The following ADAMTS17 variants were observed in gnomAD, a reference collection of about 807,000 sequenced individuals.
The protein encoded by ADAMTS17 is A disintegrin and metalloproteinase with thrombospondin motifs 17.
ADAMTS17 carries 113 observed loss-of-function variants against 141.5 expected under a neutral mutation model. The ratio of observed to expected loss-of-function variants is 0.80; its 90% CI spans 0.69 to 0.93. The LOEUF (loss-of-function observed/expected upper bound fraction) is 0.93. Ranked by LOEUF, ADAMTS17 falls within the 40% of genes least tolerant of loss-of-function variation. ADAMTS17 has a pLI of 0.00. For missense variants in ADAMTS17, 1,659 were observed against 1,517.9 expected (o/e 1.09, Z -1.54); for synonymous variants, 768 against 630.6 (o/e 1.22, Z -3.27).
chr15:100,262,219 C>T, intron 5 of ADAMTS17, 133 bp downstream of exon 5: 1 of 802,016 alleles, frequency 1.2e-6, no homozygotes, highest in Non-Finnish European at 2.1e-6. Context: ...GCTTTCCTCT[C>T]ACGCTGGCAA....
At chr15:100,178,802 A>C (rs1334159350) in intron 8 of ADAMTS17, among the ~76,000 whole-genome samples, 1 of 152,062 alleles carries the variant, frequency 6.6e-6, no homozygotes, top group Non-Finnish European at 1.5e-5. Flanking sequence ...TTCCTGAAGG[A>C]TAGTTTTATT....
chr15:100,123,513 T>C (rs1489326197), intron 12 of ADAMTS17, among the ~76,000 whole-genome samples: 1 of 152,108 alleles, frequency 6.6e-6, no homozygotes, highest in Non-Finnish European at 1.5e-5. Flanking sequence ...AGCCAACAAG[T>C]TGCAATCTCA....
At chr15:100,100,293 G>A (rs953502323) in intron 14 of ADAMTS17, among the ~76,000 whole-genome samples, 1 of 152,124 alleles carries the variant, frequency 6.6e-6, no homozygotes, top group Non-Finnish European at 1.5e-5. Context: ...AAAGTGGGTA[G>A]CTCCCCCGGG....
At chr15:100,269,547 T>A (rs4965302) in intron 4 of ADAMTS17, among the ~76,000 whole-genome samples, 9 of 151,974 alleles carry the variant, frequency 5.9e-5, no homozygotes, top group East Asian at 3.8e-4. Flanking sequence ...GGCAAGGACC[T>A]TCTTCCCACC....
Position 99,974,216 on chromosome 15 carries a change from C to A in ADAMTS17, c.*186G>T. On this transcript the variant is annotated 3_prime_UTR_variant, in exon 22 of 22. Transcript: ENST00000268070. ...CTTTCTCCTCACTGTAGAAAGCCAG[C>A]CAGTGGCTGTTAACAATATATTAAG... is the stretch of plus-strand genomic sequence containing the variant. 1.4e-6 allele frequency: 1 copy of A among 691,532 alleles called. No individual in the cohort carries two copies. Among genetic ancestry groups the A allele is most frequent in the Non-Finnish European group, 2.4e-6 (1 of 408,820 alleles). 42.8% of individuals were successfully genotyped at this position (691,532 alleles called of 1,614,324 possible).
intron 15 of ADAMTS17, among the ~76,000 whole-genome samples, chr15:100,092,689 A>C (rs777895883): frequency 3.3e-5 from 5 of 152,176 alleles, no homozygotes; most frequent in Non-Finnish European, 7.3e-5. Flanking sequence ...ATTACTGAAC[A>C]AATATGTGAC....
intron 10 of ADAMTS17, among the ~76,000 whole-genome samples, chr15:100,136,266 T>G (rs2038327201): frequency 6.6e-6 from 1 of 152,110 alleles, no homozygotes; most frequent in Non-Finnish European, 1.5e-5. Context: ...ACAACAATGT[T>G]GAACCACAGT....
chr15:100,215,848 T>G (rs2041953403), intron 7 of ADAMTS17, among the ~76,000 whole-genome samples: 1 of 151,374 alleles, frequency 6.6e-6, no homozygotes, highest in African/African-American at 2.4e-5. Context: ...ACCATTTGCC[T>G]GAGGATGAAT....
Position 99,997,305 on chromosome 15 carries a change from G to A in ADAMTS17, c.2796+80C>T, listed in dbSNP as rs1208622626. The A allele has an allele frequency of 1.3e-6, 2 of 1,522,426 alleles. No individual in the cohort carries two copies. The highest frequency in any genetic ancestry group is 1.8e-6 in the Non-Finnish European group (2 of 1,101,370). 94.3% of individuals were successfully genotyped at this position (1,522,426 alleles called of 1,614,324 possible). Reference sequence around the variant, plus strand: ...ACCTGGGGGCGAGCGAGGGCTGGGAGGCACCAGAATGTCACCAATACCATG... The same window carrying A: ...ACCTGGGGGCGAGCGAGGGCTGGGAAGCACCAGAATGTCACCAATACCATG... On this transcript the variant is annotated intron_variant, in intron 19 of 21. Coordinates refer to ENST00000268070, the MANE Select transcript of ADAMTS17 (RefSeq NM_139057.4). This position sits in a 1 kb window ranked among gnomAD's most constrained non-coding sequence, Gnocchi z 4.7.
In ADAMTS17 at chr15:100,060,061, C is replaced by T. The variant is rs575308291; in HGVS notation, c.2138-6007G>A. ...CTCCATGGGGCAATTAAAATGATTA[C>T]GAATGCTTTGATTTTATGGGCAATT... On this transcript the variant is annotated intron_variant, in intron 15 of 21. Coordinates refer to ENST00000268070, the MANE Select transcript of ADAMTS17 (RefSeq NM_139057.4). Among the ~76,000 whole-genome samples, 15 of 152,296 alleles carry T rather than the reference C, an allele frequency of 9.8e-5. No individual in the cohort carries two copies. In the South Asian group the frequency reaches 1.2e-3, roughly 13 times the overall value.
chr15:100,188,830 A>G (rs1389415165), intron 8 of ADAMTS17, among the ~76,000 whole-genome samples: 1 of 152,242 alleles, frequency 6.6e-6, no homozygotes, highest in African/African-American at 2.4e-5. Context: ...CAAACAAAGC[A>G]TGGCCAAAGA....
chr15:100,229,930 TCA>T (rs2042425244), intron 7 of ADAMTS17, among the ~76,000 whole-genome samples: 4 of 152,244 alleles, frequency 2.6e-5, no homozygotes, highest in African/African-American at 9.6e-5. Context: ...CCTGAGATGA[TCA>T]GTGCAGGGAA....
At chr15:100,311,650 A>G (rs1172923560) in intron 3 of ADAMTS17, among the ~76,000 whole-genome samples, 1 of 152,156 alleles carries the variant, frequency 6.6e-6, no homozygotes, top group African/African-American at 2.4e-5. Context: ...CATGTGGGAA[A>G]AAGGATTCAG....
chr15:100,214,545 C>T (rs1418828074), intron 7 of ADAMTS17, among the ~76,000 whole-genome samples: 1 of 152,040 alleles, frequency 6.6e-6, no homozygotes. Flanking sequence ...CTTGAAAAGG[C>T]AAAATAAATT....
chr15:100,171,276 C>CCCTT (rs371822940), intron 8 of ADAMTS17, among the ~76,000 whole-genome samples: 30 of 152,234 alleles, frequency 2.0e-4, no homozygotes, highest in African/African-American at 7.0e-4. Flanking sequence ...TGGCCTTACC[C>CCCTT]CCTTCCTTCC....
chr15:100,281,212 C>T lies in ADAMTS17; in HGVS notation c.789+17G>A. On this transcript the variant is annotated intron_variant, in intron 4 of 21. Coordinates refer to ENST00000268070, the MANE Select transcript of ADAMTS17 (RefSeq NM_139057.4). Reference sequence around the variant, plus strand: ...AAAACAGAGCCCCCCACATCAGGACCCCGGCTCCGGACTCACCATGTTCAT... The same window carrying T: ...AAAACAGAGCCCCCCACATCAGGACTCCGGCTCCGGACTCACCATGTTCAT... The T allele has an allele frequency of 6.2e-7, 1 of 1,601,940 alleles. No individual in the cohort carries two copies. Among genetic ancestry groups the T allele is most frequent in the South Asian group, 1.1e-5 (1 of 91,010 alleles).
intron 3 of ADAMTS17, among the ~76,000 whole-genome samples, chr15:100,285,610 C>G (rs1001499906): frequency 6.6e-6 from 1 of 152,186 alleles, no homozygotes; most frequent in African/African-American, 2.4e-5. Context: ...CCAAGGAAGA[C>G]CTGGGGAAGA....
chr15:100,092,164 A>G (rs553485488), intron 15 of ADAMTS17, among the ~76,000 whole-genome samples: 1 of 152,302 alleles, frequency 6.6e-6, no homozygotes, highest in Non-Finnish European at 1.5e-5. Context: ...GGGAAAGAAA[A>G]CTTACCCCCA....
intron 15 of ADAMTS17, among the ~76,000 whole-genome samples, chr15:100,064,537 G>A (rs4965574): frequency 0.82 from 124,901 of 152,184 alleles, 51,687 homozygotes; most frequent in East Asian, 0.95. Flanking sequence ...CTGAACATCC[G>A]TGGGATGACA....
Sources: gnomAD v4.1 joint callset for allele counts (sites outside exome capture counted in the v4.1 genomes callset) on GRCh38, gnomAD v4.1.1 for gene constraint, Gnocchi (gnomAD v3.1) non-coding constraint, MANE v1.5 for transcripts, NCBI Gene and HGNC (gene_info 2026-07-23, HGNC 2026-07-21) for gene names.